Variants in SAMSN1 observed in about 807,000 individuals in gnomAD.
SAMSN1 encodes SAM domain-containing protein SAMSN-1.
A neutral mutation model predicts 42.0 loss-of-function variants in SAMSN1; 31 were observed. The ratio of observed to expected loss-of-function variants is 0.74; its 90% CI spans 0.55 to 1.00. The LOEUF (loss-of-function observed/expected upper bound fraction) is 1.00. SAMSN1 is among the 50% of genes least tolerant of loss of function. The pLI, the probability that SAMSN1 is intolerant of heterozygous loss-of-function variation, is 0.00. For synonymous variants in SAMSN1, 178 were observed against 151.9 expected, an observed-to-expected ratio of 1.17 and a Z score of -1.26; for missense variants, 464 against 439.4, an observed-to-expected ratio of 1.06 and a Z score of -0.50.
In SAMSN1 at chr21:14,579,635, T is replaced by C. The variant is rs1249478648; in HGVS notation, c.261+2501A>G. Reference sequence around the variant, plus strand: ...CTGTTCTGCACTTCATGTTAGAAAATGCTCACTTTTTTTTTTTTTTTTTTT... The same window carrying C: ...CTGTTCTGCACTTCATGTTAGAAAACGCTCACTTTTTTTTTTTTTTTTTTT... On this transcript the variant is annotated intron_variant, in intron 2 of 8. Coordinates refer to the SAMSN1 transcript ENST00000285670. Among the ~76,000 whole-genome samples, 3 of 148,750 alleles carry C rather than the reference T, an allele frequency of 2.0e-5. No individual in the cohort carries two copies. In the East Asian group the frequency reaches 5.9e-4, roughly 29 times the overall value.
At chr21:14,616,190 GT>G (rs1410351803) in intron 2 of SAMSN1, among the ~76,000 whole-genome samples, 2 of 151,984 alleles carry the variant, frequency 1.3e-5, no homozygotes, top group Non-Finnish European at 2.9e-5. Context: ...TTTTAGTAAT[GT>G]GTCACAGAAG....
At chr21:14,632,436 A>G (rs1330790883) in intron 2 of SAMSN1, among the ~76,000 whole-genome samples, 1 of 152,158 alleles carries the variant, frequency 6.6e-6, no homozygotes, top group Non-Finnish European at 1.5e-5. Context: ...GCAACAATAA[A>G]TTGTGCACAA....
At position 14,577,269 on chromosome 21, in the gene SAMSN1, TA is replaced by T. The variant is rs1568816135; in HGVS notation, c.261+4866del. On this transcript the variant is annotated intron_variant, in intron 2 of 8. Coordinates refer to the SAMSN1 transcript ENST00000285670. ...ATATATATATATATATATATATATA[TA>T]TATATATATATATATTTTTTTTTTA... Among the ~76,000 whole-genome samples, 60 of 52,548 alleles carry T rather than the reference TA, an allele frequency of 1.1e-3. 8 individuals are homozygous for T. The East Asian group carries it at 0.015, about 13-fold the overall frequency. The allele number at this position is 52,548 out of a possible 152,430, so 34.5% of individuals were successfully genotyped here.
chr21:14,521,288 A>G (rs1978459911), intron 1 of SAMSN1, 67 bp from the exon 2 acceptor site: 2 of 1,030,758 alleles, frequency 1.9e-6, no homozygotes, highest in Admixed American at 2.2e-5. Context: ...ACTGATAAGT[A>G]TATTAGATTA....
intron 7 of SAMSN1, among the ~76,000 whole-genome samples, chr21:14,590,386 T>A (rs62227223): frequency 0.19 from 28,586 of 151,924 alleles, 2,796 homozygotes; most frequent in Middle Eastern, 0.23. Context: ...CAGGAGGTCC[T>A]CCCATCTTAG....
At chr21:14,516,838 T>C (rs1600884153) in intron 3 of SAMSN1, 54 bp downstream of exon 3, 1 of 1,438,588 alleles carries the variant, frequency 7.0e-7, no homozygotes, top group East Asian at 2.3e-5. Flanking sequence ...TCTAGCTGAA[T>C]AGTTTAAGAA....
chr21:14,652,568 A>G (rs948410044), intron 1 of SAMSN1, among the ~76,000 whole-genome samples: 6 of 152,102 alleles, frequency 3.9e-5, no homozygotes, highest in Non-Finnish European at 5.9e-5. Flanking sequence ...TAAATCTAAG[A>G]CTTCAAACTA....
chr21:14,612,354 T>G (rs1982730562), intron 4 of SAMSN1, among the ~76,000 whole-genome samples: 1 of 152,246 alleles, frequency 6.6e-6, no homozygotes, highest in Non-Finnish European at 1.5e-5. Context: ...CTATTAATTT[T>G]CTAAAAATAA....
intron 5 of SAMSN1, among the ~76,000 whole-genome samples, chr21:14,509,826 C>T (rs543670717): frequency 1.1e-4 from 16 of 152,248 alleles, no homozygotes; most frequent in African/African-American, 3.6e-4. Context: ...CCCGACTCCA[C>T]CTCACATATT....
intron 7 of SAMSN1, among the ~76,000 whole-genome samples, chr21:14,487,213 C>T (rs1210977750): frequency 6.6e-6 from 1 of 152,170 alleles, no homozygotes; most frequent in African/African-American, 2.4e-5. Context: ...CACTTCATCC[C>T]ATTCCAGTGA....
intron 2 of SAMSN1, among the ~76,000 whole-genome samples, chr21:14,642,345 T>C (rs1225549819): frequency 2.0e-5 from 3 of 152,208 alleles, no homozygotes; most frequent in Admixed American, 6.5e-5. Context: ...ACAATTTGCA[T>C]TTGCCAGTTT....
intron 3 of SAMSN1, chr21:14,612,971 C>A: frequency 4.6e-6 from 3 of 658,394 alleles, no homozygotes; most frequent in East Asian, 2.8e-5. Context: ...ACATTTTAAT[C>A]AAACAGAAAT....
At chr21:14,518,365 G>A (rs1988012404) in intron 2 of SAMSN1, among the ~76,000 whole-genome samples, 1 of 152,178 alleles carries the variant, frequency 6.6e-6, no homozygotes, top group Admixed American at 6.5e-5. Context: ...TTTTCTTTGA[G>A]TGTCTAGAGT....
chr21:14,632,867 G>C (rs1439621685), intron 2 of SAMSN1, among the ~76,000 whole-genome samples: 2 of 152,104 alleles, frequency 1.3e-5, no homozygotes, highest in South Asian at 2.1e-4. Flanking sequence ...TTTATTGTTG[G>C]CTATAGACTG....
intron 6 of SAMSN1, among the ~76,000 whole-genome samples, chr21:14,499,239 A>G (rs1987037301): frequency 6.6e-6 from 1 of 152,152 alleles, no homozygotes; most frequent in Non-Finnish European, 1.5e-5. Flanking sequence ...TTTGTCCGTC[A>G]TTTGAATCAA....
At position 14,500,665 on chromosome 21, in the gene SAMSN1, A is replaced by T. The variant is rs1401178756; in HGVS notation, c.632T>A (p.Val211Glu). The change falls in exon 6 of 8, where the codon GTG (valine) becomes GAG (glutamate). Residue 211 changes from valine to glutamate, a missense_variant. Transcript: ENST00000400566. ...GMWTGMLNNKVGNFKFIYVDV... is the reference protein window; with the variant it reads ...GMWTGMLNNKEGNFKFIYVDV... The stretch of plus-strand genomic sequence containing the variant: ...CACATAAATGAATTTGAAGTTTCCC[A>T]CTTTATTGTTCAACATTCCTGTCCA... 3.1e-6 allele frequency: 5 copies of T among 1,613,982 alleles called. No individual in the cohort carries two copies. The Admixed American group carries it at 6.7e-5, about 22-fold the overall frequency.
intron 1 of SAMSN1, among the ~76,000 whole-genome samples, chr21:14,655,808 A>G (rs1418813302): frequency 6.6e-6 from 1 of 151,866 alleles, no homozygotes; most frequent in African/African-American, 2.4e-5. Context: ...CATAAATGCT[A>G]AGGAAAGGAA....
intron 6 of SAMSN1, among the ~76,000 whole-genome samples, chr21:14,600,669 A>G (rs1982404607): frequency 6.6e-6 from 1 of 152,176 alleles, no homozygotes; most frequent in Non-Finnish European, 1.5e-5. Context: ...CGAAAAACCT[A>G]CAGAAGGATT....
chr21:14,603,407 C>T (rs113545938), intron 5 of SAMSN1, among the ~76,000 whole-genome samples: 5 of 152,250 alleles, frequency 3.3e-5, no homozygotes, highest in African/African-American at 1.2e-4. Flanking sequence ...ACACACAATA[C>T]TATGGAGAGA....
Sources: allele counts gnomAD v4.1 joint callset (sites outside exome capture counted in the v4.1 genomes callset), GRCh38; gene constraint gnomAD v4.1.1; transcripts MANE v1.5; gene names NCBI Gene and HGNC (gene_info 2026-07-23, HGNC 2026-07-21).